Variants in GRIN2B observed in about 807,000 individuals in gnomAD.
GRIN2B encodes the protein glutamate ionotropic receptor NMDA type subunit 2B, also known as glutamate receptor ionotropic, NMDA 2B.
In GRIN2B, 5 loss-of-function variants were observed where a neutral mutation model predicts 114.5. The ratio of observed to expected loss-of-function variants is 0.04; its 90% CI spans 0.02 to 0.09. The LOEUF (loss-of-function observed/expected upper bound fraction) is 0.09. Ranked by LOEUF, GRIN2B falls within the 10% of genes least tolerant of loss-of-function variation. GRIN2B has a pLI of 1.00. For missense variants in GRIN2B, 1,108 were observed against 1,943.5 expected, an observed-to-expected ratio of 0.57 and a Z score of 8.08; for synonymous variants, 787 against 745.1, an observed-to-expected ratio of 1.06 and a Z score of -0.92.
At chr12:13,575,673 C>CAACAATAATAATAAT (rs113820666) in intron 10 of GRIN2B, among the ~76,000 whole-genome samples, 23 of 147,688 alleles carry the variant, frequency 1.6e-4, no homozygotes, top group African/African-American at 5.8e-4. Context: ...ATGATAACAA[C>CAACAATAATAATAAT]AATAATAATA....
chr12:13,635,401 C>G (rs1343391647), intron 5 of GRIN2B, among the ~76,000 whole-genome samples: 2 of 152,178 alleles, frequency 1.3e-5, no homozygotes, highest in Non-Finnish European at 2.9e-5. Context: ...CTCCCTCTCA[C>G]TACTCTTCCA....
intron 2 of GRIN2B, among the ~76,000 whole-genome samples, chr12:13,922,348 A>G (rs1440687249): frequency 2.6e-5 from 4 of 152,146 alleles, no homozygotes; most frequent in Non-Finnish European, 5.9e-5. Context: ...TGGAAGGTGG[A>G]GAGAAAAAAA....
At chr12:13,864,600 A>T (rs1865795959) in intron 3 of GRIN2B, among the ~76,000 whole-genome samples, 1 of 152,222 alleles carries the variant, frequency 6.6e-6, no homozygotes, top group African/African-American at 2.4e-5. Context: ...GTATCTAAGT[A>T]ATGAACAATA....
rs574450788 is a variant in GRIN2B, at chr12:13,831,732, C to T, written c.411+34066G>A. ...TTGTCTGCACCAGGCCAGACCTGGC[C>T]GCCTCCTTGGTGAAAGGTTTTTAGT... On this transcript the variant is annotated intron_variant, in intron 3 of 13. Coordinates refer to ENST00000609686, the MANE Select transcript of GRIN2B (RefSeq NM_000834.5). Among the ~76,000 whole-genome samples, 6 of 152,302 alleles carry T rather than the reference C, an allele frequency of 3.9e-5. No individual in the cohort carries two copies. In the South Asian group the frequency reaches 1.0e-3, roughly 26 times the overall value.
intron 3 of GRIN2B, among the ~76,000 whole-genome samples, chr12:13,808,745 A>AT (rs1322600570): frequency 2.1e-4 from 8 of 38,150 alleles, no homozygotes; most frequent in South Asian, 1.6e-3. Context: ...AAGTATAATA[A>AT]AAAAAAAATA....
intron 4 of GRIN2B, among the ~76,000 whole-genome samples, chr12:13,723,850 C>T (rs1165107005): frequency 2.1e-5 from 3 of 140,818 alleles, no homozygotes; most frequent in African/African-American, 5.4e-5. Flanking sequence ...AACTGACTAT[C>T]AACTCAGGAA....
At chr12:13,752,805 C>G (rs572684735) in intron 4 of GRIN2B, among the ~76,000 whole-genome samples, 1 of 152,190 alleles carries the variant, frequency 6.6e-6, no homozygotes, top group Non-Finnish European at 1.5e-5. Context: ...ACTACAGATC[C>G]GCATAACCTG....
chr12:13,791,074 C>T (rs926898490), intron 3 of GRIN2B, among the ~76,000 whole-genome samples: 1 of 152,112 alleles, frequency 6.6e-6, no homozygotes, highest in African/African-American at 2.4e-5. Flanking sequence ...TCACCTAATT[C>T]AGCATAGGTC....
intron 13 of GRIN2B, among the ~76,000 whole-genome samples, chr12:13,565,298 T>TTCTACACTG (rs1948623947): frequency 6.6e-6 from 1 of 152,134 alleles, no homozygotes; most frequent in Non-Finnish European, 1.5e-5. Context: ...TCCTGCTGTG[T>TTCTACACTG]TCTACACTGT....
chr12:13,753,290 T>C lies in GRIN2B; in HGVS notation c.1010+27A>G. The C allele has an allele frequency of 7.9e-7, 1 of 1,273,466 alleles. No individual in the cohort carries two copies. Among genetic ancestry groups the C allele is most frequent in the Non-Finnish European group, 1.2e-6 (1 of 869,090 alleles). 78.9% of individuals were successfully genotyped at this position (1,273,466 alleles called of 1,614,324 possible). ...TGAAGCTCCCCTCTCATCTCCACCA[T>C]CAATGTGCCCTCTGTTCCACACTCA... On this transcript the variant is annotated intron_variant, in intron 4 of 13. Transcript: ENST00000609686. This position sits in a 1 kb window ranked among gnomAD's most constrained non-coding sequence, Gnocchi z 6.2.
In GRIN2B at chr12:13,918,349, A is replaced by C. The variant is rs192941528; in HGVS notation, c.-18-52123T>G. On this transcript the variant is annotated intron_variant, in intron 2 of 13. Transcript: ENST00000609686. ...GGGCCCAGGAATTTGAGGCTGTAGC[A>C]AGCTATGACTGCACCACTGTACTCC... Among the ~76,000 whole-genome samples the C allele has an allele frequency of 4.7e-3, 709 of 152,310 alleles. 4 individuals carry two copies. The highest frequency in any genetic ancestry group is 6.2e-3 in the Non-Finnish European group (420 of 68,022).
At chr12:13,624,041 C>G (rs778220860) in intron 5 of GRIN2B, among the ~76,000 whole-genome samples, 3 of 152,176 alleles carry the variant, frequency 2.0e-5, no homozygotes, top group Non-Finnish European at 4.4e-5. Flanking sequence ...TCAGACCTCT[C>G]CACTGCCATG....
At chr12:13,678,387 A>G (rs1950096116) in intron 4 of GRIN2B, among the ~76,000 whole-genome samples, 1 of 152,146 alleles carries the variant, frequency 6.6e-6, no homozygotes, top group Non-Finnish European at 1.5e-5. Flanking sequence ...ATTGGAGTCA[A>G]CAAGGGTCCA....
At chr12:13,724,496 T>C (rs741328) in intron 4 of GRIN2B, among the ~76,000 whole-genome samples, 49,150 of 151,956 alleles carry the variant, frequency 0.32, 8,707 homozygotes, top group East Asian at 0.59. Flanking sequence ...CCTGGGTTGA[T>C]GGCCTAGGGG....
At chr12:13,582,372 T>C (rs1009468512) in intron 10 of GRIN2B, among the ~76,000 whole-genome samples, 2 of 152,222 alleles carry the variant, frequency 1.3e-5, no homozygotes, top group Non-Finnish European at 2.9e-5. Context: ...TACCGGTATA[T>C]AGGAAAATTG....
Position 13,824,291 on chromosome 12 carries a change from CA to C in GRIN2B, c.411+41506del, listed in dbSNP as rs540418742. ...ACAAGAAAAGATTTTACCAGGAATT[CA>C]GTTTCTTTGATATATAAAGAATGAC... On this transcript the variant is annotated intron_variant, in intron 3 of 13. Coordinates refer to ENST00000609686, the MANE Select transcript of GRIN2B (RefSeq NM_000834.5). 1.7e-3 allele frequency among the ~76,000 whole-genome samples: 254 copies of C among 152,272 alleles called. 1 individual carries two copies. The highest frequency in any genetic ancestry group is 5.8e-3 in the African/African-American group (242 of 41,556).
At chr12:13,757,684 C>A (rs1863601935) in intron 3 of GRIN2B, among the ~76,000 whole-genome samples, 1 of 152,178 alleles carries the variant, frequency 6.6e-6, no homozygotes, top group South Asian at 2.1e-4. Context: ...GCATCTTTAA[C>A]ATATTCCTAT....
At chr12:13,585,234 T>C (rs11055530) in intron 10 of GRIN2B, among the ~76,000 whole-genome samples, 6,518 of 152,032 alleles carry the variant, frequency 0.043, 180 homozygotes, top group Middle Eastern at 0.058. Context: ...ATCTTCAGAG[T>C]CATGAAGCTG....
chr12:13,883,551 A>T (rs1355532546), intron 2 of GRIN2B, among the ~76,000 whole-genome samples: 1 of 152,068 alleles, frequency 6.6e-6, no homozygotes, highest in East Asian at 1.9e-4. Context: ...CCTGCCAACT[A>T]ATGATGTGAA....
Sources: gnomAD v4.1 joint callset for allele counts (sites outside exome capture counted in the v4.1 genomes callset) on GRCh38, gnomAD v4.1.1 for gene constraint, Gnocchi (gnomAD v3.1) non-coding constraint, MANE v1.5 for transcripts, NCBI Gene and HGNC (gene_info 2026-07-23, HGNC 2026-07-21) for gene names.